Variants in RFC1 observed in about 807,000 individuals in gnomAD.
RFC1 encodes replication factor C subunit 1, also known as A1 140 kDa subunit.
Under a neutral mutation model 137.4 loss-of-function variants are expected in RFC1, and 37 were observed. The ratio of observed to expected loss-of-function variants is 0.27; its 90% CI spans 0.21 to 0.35. The LOEUF (loss-of-function observed/expected upper bound fraction) is 0.35, where lower values mean the gene tolerates loss of function less well. Ranked by LOEUF, RFC1 falls within the 10% of genes least tolerant of loss-of-function variation. The probability of loss-of-function intolerance (pLI) is 1.00; values close to 1 mark genes in which losing one functional copy is unlikely to be tolerated. For missense variants in RFC1, 1,205 were observed against 1,358.5 expected (o/e 0.89, Z 1.78); for synonymous variants, 429 against 455.7 (o/e 0.94, Z 0.75).
chr4:39,300,036 A>C lies in RFC1; in HGVS notation c.2793T>G (p.Ser931Arg), dbSNP rs375229636. Residue 931 changes from serine to arginine, a missense_variant, in exon 21 of 25, where the codon AGT becomes AGG. By Grantham distance (110) the Ser-to-Arg change is moderately radical (BLOSUM62 -1). This residue lies in a region of RFC1 where 237 missense variants were observed against 304.2 expected (regional missense o/e 0.78). Coordinates refer to ENST00000349703, the MANE Select transcript of RFC1 (RefSeq NM_002913.5). ...CTCTGCTCACCTGCGCAGGCAGAAGACTCCAGTTTTGCTTACTCCGGATCT... is the reference window on the plus strand; with the variant it reads ...CTCTGCTCACCTGCGCAGGCAGAAGCCTCCAGTTTTGCTTACTCCGGATCT... ...DSQIRSKQNW[S>R]LLPAQAIYAS... is the part of the protein sequence containing the mutation. 1.8e-5 allele frequency: 29 copies of C among 1,611,054 alleles called. No individual in the cohort carries two copies. Among genetic ancestry groups the C allele is most frequent in the South Asian group, 2.2e-5 (2 of 91,046 alleles).
intron 4 of RFC1, among the ~76,000 whole-genome samples, chr4:39,336,462 T>C (rs1740358368): frequency 1.3e-5 from 2 of 152,244 alleles, no homozygotes; most frequent in Admixed American, 6.5e-5. Context: ...TAAGCCTTCA[T>C]TTATTCTGTG....
intron 6 of RFC1, among the ~76,000 whole-genome samples, chr4:39,324,303 C>T (rs1297830061): frequency 6.6e-6 from 1 of 152,052 alleles, no homozygotes; most frequent in African/African-American, 2.4e-5. Flanking sequence ...ACCTAGAAGT[C>T]CTTAATCAGA....
intron 12 of RFC1, among the ~76,000 whole-genome samples, chr4:39,310,832 C>T (rs1319717956): frequency 1.3e-5 from 2 of 152,064 alleles, no homozygotes; most frequent in Admixed American, 1.3e-4. Context: ...TAAACAATAA[C>T]CTTTGCATAA....
intron 21 of RFC1, 161 bp from the exon 22 acceptor site, chr4:39,295,920 A>G (rs1321019271): frequency 2.9e-5 from 15 of 517,030 alleles, no homozygotes; most frequent in Non-Finnish European, 4.6e-5. Context: ...ATCTGCTGGT[A>G]CAGGAAACTT....
intron 1 of RFC1, among the ~76,000 whole-genome samples, chr4:39,353,509 T>G (rs985669031): frequency 2.0e-5 from 3 of 152,082 alleles, no homozygotes; most frequent in African/African-American, 7.2e-5. Flanking sequence ...AGTCTAAGTT[T>G]AAAAGATACT....
rs759156835 is a variant in RFC1 at position 39,291,621 on chromosome 4, G to A, written c.3168+18C>T. ...GGTAATAGAAAGTGACGAAGAACCAGTGAGTGACATGATTTACCTTGGGAT... is the reference window on the plus strand; with the variant it reads ...GGTAATAGAAAGTGACGAAGAACCAATGAGTGACATGATTTACCTTGGGAT... On this transcript the variant is annotated intron_variant, in intron 23 of 24. Transcript: ENST00000349703. 6 of 1,565,518 alleles carry A rather than the reference G, an allele frequency of 3.8e-6. No individual in the cohort carries two copies. In the South Asian group the frequency reaches 6.7e-5, roughly 17 times the overall value.
At chr4:39,345,526 CTTTT>C in intron 2 of RFC1, 50 bp from the exon 3 acceptor site, 1 of 1,164,400 alleles carries the variant, frequency 8.6e-7, no homozygotes, top group Non-Finnish European at 1.2e-6. Context: ...ATATAACTAT[CTTTT>C]TTTTTTTTGA....
chr4:39,304,305 T>G (rs897684490), intron 15 of RFC1, among the ~76,000 whole-genome samples: 11 of 152,220 alleles, frequency 7.2e-5, no homozygotes, highest in African/African-American at 2.4e-4. Context: ...TTACTACCTT[T>G]GCCTGCAGTG....
intron 22 of RFC1, among the ~76,000 whole-genome samples, chr4:39,295,201 T>C (rs1433721115): frequency 6.6e-6 from 1 of 152,202 alleles, no homozygotes; most frequent in South Asian, 2.1e-4. Flanking sequence ...CCCAAATGAC[T>C]AGGTCAGTTT....
At chr4:39,347,441 T>TA in intron 2 of RFC1, among the ~76,000 whole-genome samples, 1 of 152,344 alleles carries the variant, frequency 6.6e-6, no homozygotes, top group African/African-American at 2.4e-5. Flanking sequence ...TTCTTGGTAA[T>TA]AAATCTCTCT....
intron 23 of RFC1, among the ~76,000 whole-genome samples, chr4:39,290,610 T>C (rs1339975952): frequency 6.7e-6 from 1 of 150,096 alleles, no homozygotes; most frequent in African/African-American, 2.5e-5. Context: ...AGGCCAGGAG[T>C]TTGAGACCAG....
chr4:39,343,894 C>A (rs1740723879), intron 3 of RFC1, among the ~76,000 whole-genome samples: 1 of 151,936 alleles, frequency 6.6e-6, no homozygotes, highest in South Asian at 2.1e-4. Context: ...GGCAAAATCA[C>A]CTGAGGTCAG....
rs2109630736 is a variant in RFC1, at chr4:39,308,484, C to G, written c.1885+152G>C. ...ACTGTTTTGTTCACAACACCACCAGCAGGGTCTAGTACTGCACCTGGGTTC... is the reference window on the plus strand; with the variant it reads ...ACTGTTTTGTTCACAACACCACCAGGAGGGTCTAGTACTGCACCTGGGTTC... On this transcript the variant is annotated intron_variant, in intron 13 of 24. Coordinates refer to ENST00000349703, the MANE Select transcript of RFC1 (RefSeq NM_002913.5). 3.0e-6 allele frequency: 3 copies of G among 1,012,710 alleles called. No homozygotes were observed. In the East Asian group the frequency reaches 7.5e-5, roughly 25 times the overall value. The allele number at this position is 1,012,710 out of a possible 1,614,324, so 62.7% of individuals were successfully genotyped here.
At chr4:39,314,668 A>G (rs1210278195) in intron 10 of RFC1, among the ~76,000 whole-genome samples, 1 of 152,052 alleles carries the variant, frequency 6.6e-6, no homozygotes, top group African/African-American at 2.4e-5. Flanking sequence ...GCAGGCTCCC[A>G]TAAAACCCAT....
At chr4:39,350,407 A>C (rs1445179065) in intron 2 of RFC1, among the ~76,000 whole-genome samples, 1 of 152,122 alleles carries the variant, frequency 6.6e-6, no homozygotes, top group African/African-American at 2.4e-5. Context: ...GAAACCAAAA[A>C]TGGGATAAAC....
At chr4:39,314,498 C>A (rs1739136743) in intron 10 of RFC1, among the ~76,000 whole-genome samples, 1 of 152,046 alleles carries the variant, frequency 6.6e-6, no homozygotes, top group Non-Finnish European at 1.5e-5. Context: ...AGCCAGCCAC[C>A]CCTAGTATCC....
chr4:39,366,008 C>A (rs993490246), intron 1 of RFC1, among the ~76,000 whole-genome samples: 10 of 152,194 alleles, frequency 6.6e-5, no homozygotes, highest in Non-Finnish European at 1.2e-4. Flanking sequence ...AGTGCAAGTA[C>A]ACGTAGCAAC....
At chr4:39,330,012 C>T (rs765710842) in intron 4 of RFC1, among the ~76,000 whole-genome samples, 11 of 151,582 alleles carry the variant, frequency 7.3e-5, no homozygotes, top group African/African-American at 2.2e-4. Flanking sequence ...CCAGCCTGGG[C>T]GACAGAGTGA....
At chr4:39,359,994 C>A (rs1741670963) in intron 1 of RFC1, among the ~76,000 whole-genome samples, 1 of 151,934 alleles carries the variant, frequency 6.6e-6, no homozygotes, top group Non-Finnish European at 1.5e-5. Context: ...CCAAATACCA[C>A]CTGTTCCCCA....
Sources: allele counts gnomAD v4.1 joint callset (sites outside exome capture counted in the v4.1 genomes callset), GRCh38; gene constraint gnomAD v4.1.1; regional missense constraint gnomAD v4.1.1; transcripts MANE v1.5; gene names NCBI Gene and HGNC (gene_info 2026-07-23, HGNC 2026-07-21).